Variants in ADAMTSL1 observed in about 807,000 individuals in gnomAD.
The protein encoded by ADAMTSL1 is ADAMTS-like protein 1.
ADAMTSL1 carries 126 observed loss-of-function variants against 201.8 expected under a neutral mutation model. The observed-to-expected ratio is 0.62, with a 90% CI of 0.54 to 0.72. The LOEUF is 0.72. Ranked by LOEUF, ADAMTSL1 falls within the 30% of genes least tolerant of loss-of-function variation. The pLI is 0.00. For missense variants in ADAMTSL1, 2,679 were observed against 2,277.8 expected (o/e 1.18, Z -3.59); for synonymous variants, 1,121 against 903.4 (o/e 1.24, Z -4.32).
At chr9:18,182,003 T>C (rs1307374998) in intron 2 of ADAMTSL1, among the ~76,000 whole-genome samples, 5 of 151,780 alleles carry the variant, frequency 3.3e-5, no homozygotes, top group East Asian at 1.9e-4. Flanking sequence ...ATGGATGAAA[T>C]TGGAAATCAT....
At chr9:18,605,773 T>G (rs79406294) in intron 4 of ADAMTSL1, among the ~76,000 whole-genome samples, 14,738 of 152,280 alleles carry the variant, frequency 0.097, 809 homozygotes, top group Middle Eastern at 0.18. Context: ...AAATATTCCA[T>G]TCACATGCTT....
intron 5 of ADAMTSL1, among the ~76,000 whole-genome samples, chr9:18,632,386 T>A (rs1202265169): frequency 6.6e-6 from 1 of 152,210 alleles, no homozygotes; most frequent in African/African-American, 2.4e-5. Flanking sequence ...TCCTAAGATA[T>A]ATCAGCTGAT....
intron 2 of ADAMTSL1, among the ~76,000 whole-genome samples, chr9:18,208,162 C>G (rs533251418): frequency 6.6e-6 from 1 of 152,092 alleles, no homozygotes; most frequent in East Asian, 1.9e-4. Context: ...TAGGTGCTCA[C>G]TAAGTGGCAG....
intron 2 of ADAMTSL1, among the ~76,000 whole-genome samples, chr9:18,401,301 C>G (rs59368614): frequency 0.046 from 7,001 of 152,232 alleles, 545 homozygotes; most frequent in African/African-American, 0.16. Context: ...TAAAAATCCA[C>G]ATTATACCTC....
At chr9:18,807,562 C>T (rs1339864837) in intron 20 of ADAMTSL1, among the ~76,000 whole-genome samples, 6 of 150,540 alleles carry the variant, frequency 4.0e-5, no homozygotes, top group Non-Finnish European at 8.9e-5. Context: ...GGAGAACCGG[C>T]GTGAACCCGG....
intron 2 of ADAMTSL1, among the ~76,000 whole-genome samples, chr9:18,165,164 C>G (rs1307180329): frequency 1.3e-5 from 2 of 151,592 alleles, no homozygotes; most frequent in African/African-American, 4.8e-5. Context: ...TTTTATTTTT[C>G]CTTCTTATGA....
intron 2 of ADAMTSL1, among the ~76,000 whole-genome samples, chr9:18,402,857 A>G (rs578231138): frequency 6.6e-5 from 10 of 152,322 alleles, no homozygotes; most frequent in Admixed American, 1.3e-4. Flanking sequence ...TAGAATCACC[A>G]TAAGAATTGT....
chr9:18,195,004 T>TGCATGAA (rs1204563123), intron 2 of ADAMTSL1, among the ~76,000 whole-genome samples: 1 of 152,256 alleles, frequency 6.6e-6, no homozygotes, highest in East Asian at 1.9e-4. Context: ...CATGAAAGAC[T>TGCATGAA]AGTAATCAGT....
At chr9:18,816,916 T>C (rs1823891788) in intron 20 of ADAMTSL1, among the ~76,000 whole-genome samples, 193 bp from the exon 21 acceptor site, 1 of 152,150 alleles carries the variant, frequency 6.6e-6, no homozygotes. Flanking sequence ...TTTCTTTTAC[T>C]GACAACACTG....
chr9:18,639,199 C>G, intron 6 of ADAMTSL1, 55 bp from the exon 7 acceptor site: 3 of 1,559,574 alleles, frequency 1.9e-6, no homozygotes, highest in South Asian at 1.1e-5. Flanking sequence ...AATGTGCTTG[C>G]CTGTGGTTGC....
chr9:17,996,764 A>G (rs185180923), intron 1 of ADAMTSL1, among the ~76,000 whole-genome samples: 2 of 151,782 alleles, frequency 1.3e-5, no homozygotes, highest in East Asian at 3.9e-4. Context: ...CACTCCCTGT[A>G]CTCCCTTCTC....
intron 26 of ADAMTSL1, among the ~76,000 whole-genome samples, chr9:18,896,366 A>G (rs572458575): frequency 1.3e-4 from 20 of 152,354 alleles, no homozygotes; most frequent in Non-Finnish European, 2.8e-4. Context: ...TTATAAACTG[A>G]TTTCTCAGCA....
chr9:18,514,723 A>G (rs1036686585), intron 2 of ADAMTSL1, among the ~76,000 whole-genome samples: 1 of 152,168 alleles, frequency 6.6e-6, no homozygotes, highest in Non-Finnish European at 1.5e-5. Flanking sequence ...TTATAAGATC[A>G]TGTCATCTGC....
At chr9:17,974,594 A>G (rs1055924718) in intron 1 of ADAMTSL1, among the ~76,000 whole-genome samples, 2 of 151,960 alleles carry the variant, frequency 1.3e-5, no homozygotes, top group African/African-American at 4.8e-5. Context: ...TTTAGACTCC[A>G]TATATGTGAG....
chr9:18,072,265 A>T (rs910085267), intron 1 of ADAMTSL1, among the ~76,000 whole-genome samples: 1 of 152,164 alleles, frequency 6.6e-6, no homozygotes, highest in Non-Finnish European at 1.5e-5. Flanking sequence ...TACCACTGTT[A>T]TGCGAAACAT....
intron 23 of ADAMTSL1, among the ~76,000 whole-genome samples, chr9:18,841,207 T>C (rs1191489192): frequency 6.6e-6 from 1 of 152,186 alleles, no homozygotes; most frequent in African/African-American, 2.4e-5. Flanking sequence ...TTGAGATACA[T>C]CCCATTAATA....
chr9:18,164,363 T>C (rs1334244539), intron 2 of ADAMTSL1, among the ~76,000 whole-genome samples: 2 of 151,928 alleles, frequency 1.3e-5, no homozygotes, highest in African/African-American at 2.4e-5. Flanking sequence ...GAAATTCCAC[T>C]GTCTTCCAAT....
At chr9:18,489,467 G>A (rs1822160753) in intron 1 of ADAMTSL1, among the ~76,000 whole-genome samples, 1 of 152,132 alleles carries the variant, frequency 6.6e-6, no homozygotes, top group Admixed American at 6.5e-5. Flanking sequence ...CCAGTTACCA[G>A]GATGTCGCGT....
rs189891349 is a variant in ADAMTSL1, at chr9:18,745,228, A to G, written c.2007-8070A>G. ...CAATTATTATTATGATGATTGCCAAATGGTAACTTTATAAATTCTGTCATT... is the reference window on the plus strand; with the variant it reads ...CAATTATTATTATGATGATTGCCAAGTGGTAACTTTATAAATTCTGTCATT... On this transcript the variant is annotated intron_variant, in intron 15 of 28. Transcript: ENST00000380548. Among the ~76,000 whole-genome samples the G allele has an allele frequency of 4.3e-4, 65 of 152,310 alleles. 1 individual carries two copies. In the Middle Eastern group the frequency reaches 0.027, roughly 64 times the overall value.
Sources: gnomAD v4.1 joint callset for allele counts (sites outside exome capture counted in the v4.1 genomes callset) on GRCh38, gnomAD v4.1.1 for gene constraint, MANE v1.5 for transcripts, NCBI Gene and HGNC (gene_info 2026-07-23, HGNC 2026-07-21) for gene names.